Variants in USH2A observed in about 807,000 individuals in gnomAD.
The protein encoded by USH2A is Usher syndrome 2A (autosomal recessive, mild).
In USH2A, 443 loss-of-function variants were observed where a neutral mutation model predicts 538.9. That is an observed-to-expected ratio of 0.82 (90% CI 0.76 to 0.89). The LOEUF (loss-of-function observed/expected upper bound fraction) is 0.89. Among genes scored for constraint, USH2A ranks in the 40% least tolerant of loss-of-function variants. The pLI is 0.00. For missense variants in USH2A, 6,633 were observed against 6,324.8 expected (o/e 1.05, Z -1.65); for synonymous variants, 2,413 against 2,273.5 (o/e 1.06, Z -1.75).
intron 11 of USH2A, among the ~76,000 whole-genome samples, chr1:216,282,390 T>C (rs1248745923): frequency 6.6e-6 from 1 of 152,224 alleles, no homozygotes; most frequent in Admixed American, 6.5e-5. Context: ...TTAATTTGAA[T>C]TAATTTGTTT....
intron 49 of USH2A, among the ~76,000 whole-genome samples, chr1:215,799,715 G>C (rs1046583250): frequency 6.6e-6 from 1 of 152,096 alleles, no homozygotes; most frequent in African/African-American, 2.4e-5. Context: ...ACCAGGTGTG[G>C]TGCTTTACAC....
intron 61 of USH2A, among the ~76,000 whole-genome samples, chr1:215,704,948 G>C (rs1205582848): frequency 6.6e-6 from 1 of 152,096 alleles, no homozygotes; most frequent in African/African-American, 2.4e-5. Context: ...AGGGACTAGG[G>C]ATACAAAATA....
intron 31 of USH2A, among the ~76,000 whole-genome samples, chr1:216,047,596 T>A (rs1401142219): frequency 1.3e-5 from 2 of 152,118 alleles, no homozygotes; most frequent in Non-Finnish European, 2.9e-5. Context: ...CCTGGTTTCA[T>A]CCTATGGGTC....
intron 32 of USH2A, among the ~76,000 whole-genome samples, chr1:216,044,507 C>T (rs1225862703): frequency 6.6e-6 from 1 of 152,082 alleles, no homozygotes; most frequent in Non-Finnish European, 1.5e-5. Context: ...CCATAAGATA[C>T]TGTTGGAGTA....
At chr1:215,798,794 A>G in intron 50 of USH2A, 113 bp downstream of exon 50, 1 of 1,189,586 alleles carries the variant, frequency 8.4e-7, no homozygotes, top group Non-Finnish European at 1.2e-6. Context: ...ATTGCATTAG[A>G]TATAACCAAT....
At chr1:216,245,227 T>A (rs1368405950) in intron 13 of USH2A, among the ~76,000 whole-genome samples, 2 of 152,128 alleles carry the variant, frequency 1.3e-5, no homozygotes, top group East Asian at 1.9e-4. Context: ...TTCTACCTGA[T>A]GAAATGGTCC....
At chr1:216,213,350 C>T (rs1234834937) in intron 15 of USH2A, among the ~76,000 whole-genome samples, 3 of 151,974 alleles carry the variant, frequency 2.0e-5, no homozygotes, top group Non-Finnish European at 4.4e-5. Context: ...ATTACCTGCT[C>T]TGGCTAATAT....
intron 32 of USH2A, among the ~76,000 whole-genome samples, chr1:216,032,138 A>T (rs190910758): frequency 1.3e-5 from 2 of 152,158 alleles, no homozygotes; most frequent in African/African-American, 4.8e-5. Flanking sequence ...GGTACATAGT[A>T]CCTGCTCAAC....
At chr1:216,010,588 C>T (rs1391448173) in intron 32 of USH2A, among the ~76,000 whole-genome samples, 2 of 151,912 alleles carry the variant, frequency 1.3e-5, no homozygotes, top group Non-Finnish European at 2.9e-5. Context: ...AGGCTACTCA[C>T]TCCACATCAC....
intron 64 of USH2A, among the ~76,000 whole-genome samples, chr1:215,659,232 C>T (rs540277528): frequency 2.0e-5 from 3 of 152,242 alleles, no homozygotes; most frequent in African/African-American, 7.2e-5. Flanking sequence ...GACCATCAAG[C>T]TGGGAAACAA....
chr1:216,195,107 C>T (rs986066607), intron 19 of USH2A, among the ~76,000 whole-genome samples: 3 of 152,110 alleles, frequency 2.0e-5, no homozygotes, highest in African/African-American at 7.2e-5. Flanking sequence ...AACATCTGGT[C>T]ATGGAACACC....
intron 27 of USH2A, among the ~76,000 whole-genome samples, chr1:216,076,591 T>C (rs1282057981): frequency 6.6e-6 from 1 of 152,146 alleles, no homozygotes; most frequent in African/African-American, 2.4e-5. Flanking sequence ...AAGTTCTTTC[T>C]AACCTCAGAA....
At chr1:216,043,542 T>C (rs2030379886) in intron 32 of USH2A, among the ~76,000 whole-genome samples, 1 of 152,086 alleles carries the variant, frequency 6.6e-6, no homozygotes, top group African/African-American at 2.4e-5. Flanking sequence ...TTTAAAAATA[T>C]TTCACTTTCT....
chr1:215,994,252 T>TA (rs1303253647), intron 34 of USH2A, among the ~76,000 whole-genome samples: 1 of 152,166 alleles, frequency 6.6e-6, no homozygotes, highest in Non-Finnish European at 1.5e-5. Flanking sequence ...ATTACTAAGA[T>TA]AAAAAATTAA....
intron 61 of USH2A, among the ~76,000 whole-genome samples, chr1:215,712,139 C>G (rs915352603): frequency 6.6e-6 from 1 of 152,120 alleles, no homozygotes; most frequent in African/African-American, 2.4e-5. Flanking sequence ...CCCAAATATG[C>G]TATCATATTT....
intron 13 of USH2A, 59 bp downstream of exon 13, chr1:216,246,526 C>T: frequency 8.7e-6 from 14 of 1,611,952 alleles, no homozygotes; most frequent in Non-Finnish European, 1.0e-5. Flanking sequence ...GGAGAAGTTA[C>T]CTAAGTTAAC....
intron 4 of USH2A, among the ~76,000 whole-genome samples, chr1:216,334,323 A>G (rs1248476793): frequency 2.0e-5 from 3 of 152,006 alleles, no homozygotes; most frequent in African/African-American, 7.2e-5. Flanking sequence ...ATCCTGGGCA[A>G]CAAACATAGT....
chr1:215,801,267 ATAT>A (rs1433266680), intron 49 of USH2A, among the ~76,000 whole-genome samples: 4 of 152,026 alleles, frequency 2.6e-5, no homozygotes, highest in Non-Finnish European at 5.9e-5. Flanking sequence ...ATTCTACATA[ATAT>A]TGGATATTAT....
At chr1:216,127,195 G>T (rs2033272368) in intron 21 of USH2A, among the ~76,000 whole-genome samples, 1 of 152,206 alleles carries the variant, frequency 6.6e-6, no homozygotes, top group South Asian at 2.1e-4. Context: ...ATACAAGTAG[G>T]AGTAAAATGA....
Sources: gnomAD v4.1 joint callset for allele counts (sites outside exome capture counted in the v4.1 genomes callset) on GRCh38, gnomAD v4.1.1 for gene constraint, MANE v1.5 for transcripts, NCBI Gene and HGNC (gene_info 2026-07-23, HGNC 2026-07-21) for gene names.